The following GRIK4 variants were observed in gnomAD, a reference collection of about 807,000 sequenced individuals.
GRIK4 encodes glutamate ionotropic receptor kainate type subunit 4, also known as glutamate receptor ionotropic, kainate 4.
A neutral mutation model predicts 104.9 loss-of-function variants in GRIK4; 40 were observed. The ratio of observed to expected loss-of-function variants is 0.38; its 90% CI spans 0.30 to 0.50. The LOEUF is 0.50. Ranked by LOEUF, GRIK4 falls within the 20% of genes least tolerant of loss-of-function variation. GRIK4 has a pLI of 0.93. For missense variants in GRIK4, 1,047 were observed against 1,308.1 expected, an observed-to-expected ratio of 0.80 and a Z score of 3.08; for synonymous variants, 485 against 524.9, an observed-to-expected ratio of 0.92 and a Z score of 1.04.
At chr11:120,984,032 C>T (rs1336396804) in intron 20 of GRIK4, among the ~76,000 whole-genome samples, 1 of 152,146 alleles carries the variant, frequency 6.6e-6, no homozygotes, top group Non-Finnish European at 1.5e-5. Flanking sequence ...TAATCCAAGT[C>T]GGGAAAACTA....
In GRIK4 at chr11:120,887,560, T is replaced by C. The variant is rs571838162; in HGVS notation, c.1165-10972T>C. Reference sequence around the variant, plus strand: ...AGAAATGACTTGCCCAAAAGAACTTTGTAATTCAATTCAACAGATATTTAC... The same window carrying C: ...AGAAATGACTTGCCCAAAAGAACTTCGTAATTCAATTCAACAGATATTTAC... On this transcript the variant is annotated intron_variant, in intron 11 of 20. Transcript: ENST00000527524. Among the ~76,000 whole-genome samples the C allele has an allele frequency of 9.2e-5, 14 of 152,336 alleles. No individual in the cohort carries two copies. In the South Asian group the frequency reaches 2.5e-3, roughly 27 times the overall value.
chr11:120,881,125 G>A (rs1286053254), intron 11 of GRIK4, among the ~76,000 whole-genome samples: 1 of 152,178 alleles, frequency 6.6e-6, no homozygotes, highest in African/African-American at 2.4e-5. Flanking sequence ...ACAAGGCCCA[G>A]ATTGAACACC....
chr11:120,852,757 C>A (rs1032580563), intron 8 of GRIK4, among the ~76,000 whole-genome samples: 13 of 152,166 alleles, frequency 8.5e-5, no homozygotes, highest in African/African-American at 3.1e-4. Flanking sequence ...GTCAAGTGGG[C>A]TCAGGAGGGA....
intron 1 of GRIK4, among the ~76,000 whole-genome samples, chr11:120,566,166 C>T (rs923115487): frequency 6.6e-6 from 1 of 152,114 alleles, no homozygotes; most frequent in African/African-American, 2.4e-5. Flanking sequence ...AATGAAAAGG[C>T]AAAAAATTCT....
intron 14 of GRIK4, among the ~76,000 whole-genome samples, chr11:120,947,395 C>T (rs1943887686): frequency 8.1e-6 from 1 of 123,496 alleles, no homozygotes; most frequent in South Asian, 3.0e-4. Flanking sequence ...GAGTGAGACT[C>T]TGTCTCAAAA....
chr11:120,844,151 CAG>C (rs1401369582), intron 8 of GRIK4, among the ~76,000 whole-genome samples: 2 of 152,082 alleles, frequency 1.3e-5, no homozygotes, highest in Non-Finnish European at 2.9e-5. Flanking sequence ...CCAGGGCAGA[CAG>C]AGAGGGAAAA....
rs771496253 is a variant in GRIK4 at position 120,555,852 on chromosome 11, G to A, written c.-159+43965G>A. On this transcript the variant is annotated intron_variant, in intron 1 of 20. Coordinates refer to ENST00000527524, the MANE Select transcript of GRIK4 (RefSeq NM_014619.5). This position sits in a 1 kb window ranked among gnomAD's most constrained non-coding sequence, Gnocchi z 5.3. ...AATCATGGCCATGCTGGGGCCACGC[G>A]TCTTGGGAGCAACAGAAAATGCCTT... Among the ~76,000 whole-genome samples the A allele has an allele frequency of 2.0e-4, 30 of 152,102 alleles. No individual in the cohort carries two copies. The highest frequency in any genetic ancestry group is 4.8e-4 in the African/African-American group (20 of 41,416).
chr11:120,956,007 G>A lies in GRIK4; in HGVS notation c.1701-773G>A, dbSNP rs1944138351. On this transcript the variant is annotated intron_variant, in intron 15 of 20. Transcript: ENST00000527524. The surrounding 1 kb of genome is among the most constrained non-coding windows in gnomAD (Gnocchi z 4.6). Reference sequence around the variant, plus strand: ...GCATTGAGGCTGGGCCCAGCCATCTGTGTCAGCACACCGGCTTGGTGGTTC... The same window carrying A: ...GCATTGAGGCTGGGCCCAGCCATCTATGTCAGCACACCGGCTTGGTGGTTC... Among the ~76,000 whole-genome samples, 1 of 152,136 alleles carries A rather than the reference G, an allele frequency of 6.6e-6. No homozygotes were observed. Among genetic ancestry groups the A allele is most frequent in the African/African-American group, 2.4e-5 (1 of 41,436 alleles).
chr11:120,738,930 G>C (rs527649596), intron 3 of GRIK4, among the ~76,000 whole-genome samples: 2 of 152,182 alleles, frequency 1.3e-5, no homozygotes, highest in Non-Finnish European at 2.9e-5. Context: ...GGTAGGGAGC[G>C]GACTCTGGCT....
At chr11:120,823,766 A>G (rs537735457) in intron 6 of GRIK4, among the ~76,000 whole-genome samples, 1 of 152,194 alleles carries the variant, frequency 6.6e-6, no homozygotes, top group Non-Finnish European at 1.5e-5. Context: ...AAGGTTCTGG[A>G]GCAGATGTGC....
At chr11:120,827,630 A>T (rs1313831249) in intron 6 of GRIK4, among the ~76,000 whole-genome samples, 1 of 152,250 alleles carries the variant, frequency 6.6e-6, no homozygotes, top group African/African-American at 2.4e-5. Flanking sequence ...AACTGCCCTG[A>T]AAACTCTTAA....
At chr11:120,541,728 A>G (rs1385586720) in intron 1 of GRIK4, among the ~76,000 whole-genome samples, 1 of 152,148 alleles carries the variant, frequency 6.6e-6, no homozygotes, top group Non-Finnish European at 1.5e-5. Context: ...GGCTTAAGCA[A>G]TCTGCCTGCC....
At chr11:120,863,848 G>A (rs986825461) in intron 9 of GRIK4, among the ~76,000 whole-genome samples, 10 of 152,206 alleles carry the variant, frequency 6.6e-5, no homozygotes, top group African/African-American at 2.2e-4. Context: ...ATGCAGCCTC[G>A]TGGACATCTC....
intron 2 of GRIK4, among the ~76,000 whole-genome samples, chr11:120,654,774 A>G (rs1949676344): frequency 6.6e-6 from 1 of 152,156 alleles, no homozygotes; most frequent in South Asian, 2.1e-4. Context: ...ACGAATGAAG[A>G]AGTCAAGGTT....
intron 1 of GRIK4, among the ~76,000 whole-genome samples, chr11:120,520,795 G>C (rs1236967267): frequency 6.6e-6 from 1 of 152,184 alleles, no homozygotes; most frequent in Non-Finnish European, 1.5e-5. Flanking sequence ...TGGTAGCATT[G>C]TTAGACTCAT....
chr11:120,534,533 A>C (rs944397177), intron 1 of GRIK4, among the ~76,000 whole-genome samples: 4 of 152,092 alleles, frequency 2.6e-5, no homozygotes, highest in African/African-American at 9.7e-5. Context: ...GAGTCCACAA[A>C]AGAGATCAGG....
rs998769032 is a variant in GRIK4, at chr11:120,800,832, A to C, written c.83-1861A>C. The stretch of plus-strand genomic sequence containing the variant: ...CCTGGATCTCTGCGTCCGCGCAGAC[A>C]TTCAAGGGCCACGTGTCAGTGAAAT... On this transcript the variant is annotated intron_variant, in intron 3 of 20. Coordinates refer to ENST00000527524, the MANE Select transcript of GRIK4 (RefSeq NM_014619.5). 1.0e-3 allele frequency among the ~76,000 whole-genome samples: 159 copies of C among 152,368 alleles called. 1 individual carries two copies. The highest frequency in any genetic ancestry group is 3.7e-3 in the African/African-American group (154 of 41,588).
intron 1 of GRIK4, among the ~76,000 whole-genome samples, chr11:120,559,142 G>A (rs111779459): frequency 0.012 from 1,773 of 152,270 alleles, 36 homozygotes; most frequent in African/African-American, 0.038. Flanking sequence ...GGTGACCTTC[G>A]TGGCATAGCA....
chr11:120,955,702 A>G (rs1311478001), intron 15 of GRIK4, among the ~76,000 whole-genome samples: 1 of 152,192 alleles, frequency 6.6e-6, no homozygotes, highest in Admixed American at 6.5e-5. Flanking sequence ...TCTCAGCCCC[A>G]TGCGTGCATT....
Sources: allele counts gnomAD v4.1 joint callset (sites outside exome capture counted in the v4.1 genomes callset), GRCh38; gene constraint gnomAD v4.1.1; non-coding constraint Gnocchi (gnomAD v3.1); transcripts MANE v1.5; gene names NCBI Gene and HGNC (gene_info 2026-07-23, HGNC 2026-07-21).